DHX33: variants seen among roughly 807,000 people sequenced by gnomAD.
DHX33 encodes ATP-dependent RNA helicase DHX33.
Under a neutral mutation model 72.5 loss-of-function variants are expected in DHX33, and 42 were observed. The observed-to-expected ratio is 0.58, with a 90% confidence interval of 0.45 to 0.75. The LOEUF is 0.75. DHX33 is among the 30% of genes least tolerant of loss of function. The pLI is 0.00. For missense variants in DHX33, 842 were observed against 917.5 expected (o/e 0.92, Z 1.06); for synonymous variants, 358 against 366.1 (o/e 0.98, Z 0.25).
chr17:5,463,103 C>G (rs957447362), intron 2 of DHX33, among the ~76,000 whole-genome samples: 4 of 151,730 alleles, frequency 2.6e-5, no homozygotes, highest in Admixed American at 1.3e-4. Flanking sequence ...TCATGTGAAG[C>G]TATGTACAGA....
At chr17:5,461,151 G>T (rs1379927039) in intron 3 of DHX33, 42 bp from the exon 4 acceptor site, 2 of 1,578,270 alleles carry the variant, frequency 1.3e-6, no homozygotes, top group Non-Finnish European at 1.7e-6. Flanking sequence ...ACAAATAGTG[G>T]GAAGGCCTTT....
intron 3 of DHX33, chr17:5,461,353 T>C (rs73339265): frequency 0.38 from 97,998 of 257,086 alleles, 22,181 homozygotes; most frequent in African/African-American, 0.71. Flanking sequence ...GTGGCTCACG[T>C]CTGTAATCCC....
At chr17:5,451,465 C>T (rs1015437939) in intron 8 of DHX33, among the ~76,000 whole-genome samples, 17 of 152,070 alleles carry the variant, frequency 1.1e-4, no homozygotes, top group Non-Finnish European at 1.2e-4. Flanking sequence ...TGAATATACA[C>T]ATTAAAAGTG....
At chr17:5,460,739 T>C (rs1285230806) in intron 4 of DHX33, among the ~76,000 whole-genome samples, 200 bp downstream of exon 4, 1 of 151,730 alleles carries the variant, frequency 6.6e-6, no homozygotes, top group Non-Finnish European at 1.5e-5. Flanking sequence ...ACTCCTGACC[T>C]CAGGTGATCC....
chr17:5,465,576 A>G (rs894388964), intron 1 of DHX33, among the ~76,000 whole-genome samples: 1 of 152,196 alleles, frequency 6.6e-6, no homozygotes, highest in Non-Finnish European at 1.5e-5. Flanking sequence ...CCCAAATCCA[A>G]AACTTTTTGA....
intron 6 of DHX33, among the ~76,000 whole-genome samples, chr17:5,454,798 C>G (rs1358563878): frequency 6.6e-6 from 1 of 152,192 alleles, no homozygotes; most frequent in Non-Finnish European, 1.5e-5. Context: ...TCCTGAGAAA[C>G]CTGGGAGCTC....
At position 5,441,836 on chromosome 17, in the gene DHX33, G is replaced by A. The variant is rs1384484792; in HGVS notation, c.*2369C>T. 2.0e-5 allele frequency: 3 copies of A among 152,098 alleles called. No homozygotes were observed. The highest frequency in any genetic ancestry group is 4.8e-5 in the African/African-American group (2 of 41,400). 9.4% of individuals were successfully genotyped at this position (152,098 alleles called of 1,614,324 possible). ...TCTCAGAAAAAAAATATACATTTCC[G>A]GAAACTGTTCAGGTACTTAAGCTGG... On this transcript the variant is annotated 3_prime_UTR_variant, in exon 12 of 12. Transcript: ENST00000225296.
At chr17:5,445,438 G>A (rs1352207441) in intron 11 of DHX33, among the ~76,000 whole-genome samples, 3 of 152,066 alleles carry the variant, frequency 2.0e-5, no homozygotes, top group Admixed American at 6.5e-5. Flanking sequence ...CTCTTTCCTC[G>A]CCCCGTTTCA....
chr17:5,462,249 T>C, intron 3 of DHX33, 70 bp downstream of exon 3: 1 of 1,471,420 alleles, frequency 6.8e-7, no homozygotes. Flanking sequence ...CAGGCCTGTT[T>C]CCTTCTGTGT....
chr17:5,450,708 A>C, intron 9 of DHX33, 99 bp downstream of exon 9: 14 of 1,526,304 alleles, frequency 9.2e-6, no homozygotes, highest in Non-Finnish European at 1.2e-5. Context: ...ATGTAAGAGA[A>C]AAAGTGAGAT....
Position 5,450,294 on chromosome 17 carries a change from T to C in DHX33, c.1637A>G (p.Gln546Arg). ...GGATATGAACTTCTTGCGGACCCCTTGCACTTCCTCTCGCCGGGAAGGAGG... is the reference window on the plus strand; with the variant it reads ...GGATATGAACTTCTTGCGGACCCCTCGCACTTCCTCTCGCCGGGAAGGAGG... The part of the protein sequence containing the change: ...HNPPSRREEV[Q>R]GVRKKFISSE... The change falls in exon 10 of 12, where the codon CAA (glutamine) becomes CGA (arginine). Residue 546 changes from glutamine (Q) to arginine (R), a missense_variant. Gln to Arg is a conservative substitution (Grantham distance 43). Transcript: ENST00000225296. The C allele has an allele frequency of 6.2e-7, 1 of 1,614,192 alleles. No individual in the cohort carries two copies. The highest frequency in any genetic ancestry group is 1.3e-5 in the African/African-American group (1 of 75,046).
At chr17:5,455,056 TGTTA>T in intron 6 of DHX33, 100 bp downstream of exon 6, 5 of 1,045,452 alleles carry the variant, frequency 4.8e-6, no homozygotes, top group Non-Finnish European at 7.3e-6. Flanking sequence ...CACCTGAATT[TGTTA>T]GTTACAAACA....
At position 5,460,838 on chromosome 17, in the gene DHX33, A is replaced by G. The variant is rs190818481; in HGVS notation, c.849+101T>C. 8.8e-4 allele frequency: 1,228 copies of G among 1,388,946 alleles called. 1 individual carries two copies. Among genetic ancestry groups the G allele is most frequent in the Admixed American group, 3.9e-3 (175 of 45,378 alleles). The allele number at this position is 1,388,946 out of a possible 1,614,324, so 86.0% of individuals were successfully genotyped here. A position where few individuals can be genotyped will look rare whatever the true frequency, so the allele number is the denominator to read the frequency against. ...TTCATCTTGATGACACAACTCACAAAGTTGTTTTATTCAGTAGCTTTTCTT... is the reference window on the plus strand; with the variant it reads ...TTCATCTTGATGACACAACTCACAAGGTTGTTTTATTCAGTAGCTTTTCTT... On this transcript the variant is annotated intron_variant, in intron 4 of 11. Transcript: ENST00000225296.
intron 10 of DHX33, among the ~76,000 whole-genome samples, chr17:5,449,600 C>G (rs1447495967): frequency 6.6e-6 from 1 of 152,150 alleles, no homozygotes; most frequent in Non-Finnish European, 1.5e-5. Flanking sequence ...CCACGCCCGG[C>G]TAATTCTTGT....
intron 1 of DHX33, among the ~76,000 whole-genome samples, chr17:5,465,074 G>T (rs77920133): frequency 2.6e-5 from 4 of 152,194 alleles, no homozygotes; most frequent in African/African-American, 7.2e-5. Flanking sequence ...TGTCCCTCTC[G>T]TGTACTTGAG....
chr17:5,450,896 C>G lies in DHX33; in HGVS notation c.1435G>C (p.Gly479Arg). ...TGGTCATCCTTATGTTCAAGAGCAC[C>G]TAACAGGTCCAGTTGGGCAATGGCC... The part of the protein sequence containing the change: ...QAAIAQLDLL[G>R]ALEHKDDQLT... Residue 479 changes from glycine to arginine, a missense_variant, in exon 9 of 12, where the codon GGT becomes CGT. Transcript: ENST00000225296. 1 of 1,614,110 alleles carries G rather than the reference C, an allele frequency of 6.2e-7. No homozygotes were observed. The highest frequency in any genetic ancestry group is 1.6e-4 in the Middle Eastern group (1 of 6,062).
chr17:5,453,753 T>G, intron 7 of DHX33, 68 bp downstream of exon 7: 1 of 1,612,638 alleles, frequency 6.2e-7, no homozygotes. Flanking sequence ...GAGTAAAAAC[T>G]GCAGCTCTGG....
intron 10 of DHX33, among the ~76,000 whole-genome samples, chr17:5,449,759 C>CGAA (rs1234075850): frequency 6.6e-6 from 1 of 151,966 alleles, no homozygotes. Flanking sequence ...TTCAACTGCA[C>CGAA]GAAGCTTCGT....
In DHX33 at chr17:5,450,820, G is replaced by T. The variant is rs1224085350; in HGVS notation, c.1511C>A (p.Pro504His). 4.3e-6 allele frequency: 7 copies of T among 1,614,174 alleles called. No individual in the cohort carries two copies. Among genetic ancestry groups the T allele is most frequent in the Non-Finnish European group, 5.9e-6 (7 of 1,180,034 alleles). Reference protein sequence around the residue: ...GRKMAAFPLEPKFAKTILMSP... With the variant: ...GRKMAAFPLEHKFAKTILMSP... ...GGTATCATTTACTTTGGCAAATTTG[G>T]GTTCTAAAGGAAATGCTGCCATCTT... The change falls in exon 9 of 12, where the codon CCC (proline) becomes CAC (histidine). Residue 504 changes from proline to histidine, a missense_variant. Physicochemically the swap from Pro to His is moderately conservative, Grantham distance 77. Transcript: ENST00000225296.
Sources: gnomAD v4.1 joint callset for allele counts (sites outside exome capture counted in the v4.1 genomes callset) on GRCh38, gnomAD v4.1.1 for gene constraint, MANE v1.5 for transcripts, NCBI Gene and HGNC (gene_info 2026-07-23, HGNC 2026-07-21) for gene names.